The following IDNK variants were observed in gnomAD, a reference collection of about 807,000 sequenced individuals.
IDNK encodes IDNK gluconokinase.
IDNK carries 9 observed loss-of-function variants against 13.0 expected under a neutral mutation model. That is an observed-to-expected ratio of 0.69 (90% CI 0.42 to 1.21). The LOEUF (loss-of-function observed/expected upper bound fraction) is 1.21. IDNK is among the 50% of genes most tolerant of loss of function. The probability of loss-of-function intolerance (pLI) is 0.00; values close to 1 mark genes in which losing one functional copy is unlikely to be tolerated. For synonymous variants in IDNK, 92 were observed against 94.9 expected (o/e 0.97, Z 0.18); for missense variants, 210 against 237.8 (o/e 0.88, Z 0.77).
chr9:83,627,366 A>AC (rs1328382428), intron 1 of IDNK, among the ~76,000 whole-genome samples: 4 of 152,200 alleles, frequency 2.6e-5, no homozygotes, highest in African/African-American at 9.7e-5. Flanking sequence ...CAGTGAGCTT[A>AC]CCGTTACATC....
intron 1 of IDNK, among the ~76,000 whole-genome samples, chr9:83,623,745 C>T (rs544639350): frequency 6.6e-6 from 1 of 152,322 alleles, no homozygotes; most frequent in Non-Finnish European, 1.5e-5. Flanking sequence ...TCAGCTTAAC[C>T]TGGAAGGAGA....
chr9:83,632,228 T>C (rs1831038097), intron 3 of IDNK, among the ~76,000 whole-genome samples: 2 of 148,594 alleles, frequency 1.3e-5, no homozygotes, highest in Admixed American at 6.6e-5. Context: ...TTCCTTCCCG[T>C]CTCTCTCCAC....
intron 1 of IDNK, among the ~76,000 whole-genome samples, chr9:83,627,568 T>C (rs995118859): frequency 1.3e-5 from 2 of 152,164 alleles, no homozygotes; most frequent in African/African-American, 4.8e-5. Flanking sequence ...CCGAGCCCCT[T>C]TCACTAGCAC....
At chr9:83,635,532 C>T (rs1040540026) in intron 3 of IDNK, among the ~76,000 whole-genome samples, 3 of 152,238 alleles carry the variant, frequency 2.0e-5, no homozygotes, top group Admixed American at 2.0e-4. Context: ...CTTGCCTACC[C>T]AGCCTGCCTG....
chr9:83,626,862 C>T, intron 1 of IDNK: 1 of 1,089,408 alleles, frequency 9.2e-7, no homozygotes, highest in Non-Finnish European at 1.1e-6. Flanking sequence ...GGTTTCACTG[C>T]TCTCGCAACC....
At chr9:83,623,478 T>G in intron 1 of IDNK, 2 of 461,220 alleles carry the variant, frequency 4.3e-6, no homozygotes, top group Non-Finnish European at 7.7e-6. Context: ...GACCGCAGGC[T>G]CAGGGAGGAA....
At chr9:83,626,057 C>T (rs113255914) in intron 1 of IDNK, among the ~76,000 whole-genome samples, 1 of 152,182 alleles carries the variant, frequency 6.6e-6, no homozygotes, top group African/African-American at 2.4e-5. Flanking sequence ...CAAGCTCAGA[C>T]CTTTTGAATA....
At chr9:83,626,366 A>T in intron 1 of IDNK, 1 of 283,850 alleles carries the variant, frequency 3.5e-6, no homozygotes, top group South Asian at 2.9e-5. Flanking sequence ...CTTTCAAATT[A>T]TGAGTGCTGG....
intron 1 of IDNK, chr9:83,626,636 C>T (rs777812530): frequency 9.4e-5 from 103 of 1,098,536 alleles, no homozygotes; most frequent in African/African-American, 1.5e-4. Context: ...GAGCTAGTCC[C>T]GAACTCCTGG....
chr9:83,628,233 C>T (rs1220534978), intron 2 of IDNK, 22 bp downstream of exon 2: 1 of 1,529,638 alleles, frequency 6.5e-7, no homozygotes, highest in African/African-American at 1.4e-5. Context: ...GTCCTAATGC[C>T]TTCCGAGTGC....
chr9:83,636,512 TCA>T (rs757525648), intron 3 of IDNK, among the ~76,000 whole-genome samples: 16 of 152,204 alleles, frequency 1.1e-4, no homozygotes, highest in Non-Finnish European at 2.2e-4. Flanking sequence ...TTTTTTCTCT[TCA>T]CAGAGTGTCC....
chr9:83,637,964 G>C (rs1461115829), intron 3 of IDNK, among the ~76,000 whole-genome samples: 2 of 152,170 alleles, frequency 1.3e-5, no homozygotes, highest in Non-Finnish European at 2.9e-5. Flanking sequence ...AATCATCCTT[G>C]AGAAACCTGA....
chr9:83,638,146 ACT>A (rs1361514171), intron 3 of IDNK, among the ~76,000 whole-genome samples: 31 of 152,214 alleles, frequency 2.0e-4, no homozygotes, highest in African/African-American at 6.3e-4. Flanking sequence ...ACAATCAGAA[ACT>A]ATAAACTATA....
chr9:83,632,714 G>A lies in IDNK; in HGVS notation c.168+3755G>A, dbSNP rs553583678. Among the ~76,000 whole-genome samples, 3 of 152,282 alleles carry A rather than the reference G, an allele frequency of 2.0e-5. No individual in the cohort carries two copies. The South Asian group carries it at 6.2e-4, about 32-fold the overall frequency. ...GAGTGTGAAAACCTTGAACATCAGA[G>A]CCATAGGCAGAGATGCTAATTTGGA... On this transcript the variant is annotated intron_variant, in intron 3 of 4. Coordinates refer to ENST00000376419, the MANE Select transcript of IDNK (RefSeq NM_001001551.4).
intron 3 of IDNK, among the ~76,000 whole-genome samples, chr9:83,637,571 G>A (rs959667006): frequency 6.6e-6 from 1 of 152,166 alleles, no homozygotes; most frequent in Non-Finnish European, 1.5e-5. Flanking sequence ...AAAGATCAAA[G>A]GAAAATAAAA....
chr9:83,627,082 A>T (rs1830873108), intron 1 of IDNK: 1 of 153,488 alleles, frequency 6.5e-6, no homozygotes, highest in African/African-American at 2.4e-5. Context: ...GGAATGAAAG[A>T]AAGTTTCCTT....
At position 83,630,628 on chromosome 9, in the gene IDNK, CA is replaced by C. The variant is rs550900033; in HGVS notation, c.168+1670del. Among the ~76,000 whole-genome samples the C allele has an allele frequency of 2.6e-5, 4 of 152,298 alleles. No homozygotes were observed. In the South Asian group the frequency reaches 8.3e-4, roughly 32 times the overall value. ...CTAACCATACGCATACAACATAAAT[CA>C]TATATACATGCCAATAACCATTTCT... is the stretch of plus-strand genomic sequence containing the variant. On this transcript the variant is annotated intron_variant, in intron 3 of 4. Transcript: ENST00000376419.
intron 3 of IDNK, among the ~76,000 whole-genome samples, chr9:83,630,787 C>T (rs1830988392): frequency 6.6e-6 from 1 of 152,134 alleles, no homozygotes; most frequent in African/African-American, 2.4e-5. Flanking sequence ...TTTCTGTAGT[C>T]TTCCTCTTCT....
At chr9:83,638,648 C>A (rs1051663066) in intron 3 of IDNK, among the ~76,000 whole-genome samples, 2 of 152,066 alleles carry the variant, frequency 1.3e-5, no homozygotes, top group Non-Finnish European at 2.9e-5. Flanking sequence ...CATAAAGCTA[C>A]CAGAGATAAG....
Sources: allele counts gnomAD v4.1 joint callset (sites outside exome capture counted in the v4.1 genomes callset), GRCh38; gene constraint gnomAD v4.1.1; transcripts MANE v1.5; gene names NCBI Gene and HGNC (gene_info 2026-07-23, HGNC 2026-07-21).